Variants in SLC39A14 observed in about 807,000 individuals in gnomAD.
The protein encoded by SLC39A14 is solute carrier family 39 member 14, also known as metal cation symporter ZIP14.
A neutral mutation model predicts 45.5 loss-of-function variants in SLC39A14; 19 were observed. The observed-to-expected ratio is 0.42, with a 90% CI of 0.29 to 0.61. The LOEUF (loss-of-function observed/expected upper bound fraction) is 0.61, where lower values mean the gene tolerates loss of function less well. Ranked by LOEUF, SLC39A14 falls within the 20% of genes least tolerant of loss-of-function variation. The pLI is 0.22. For missense variants in SLC39A14, 447 were observed against 616.5 expected (o/e 0.73, Z 2.91); for synonymous variants, 264 against 251.3 (o/e 1.05, Z -0.48).
downstream of SLC39A14, among the ~76,000 whole-genome samples, chr8:22,426,706 T>C (rs1243360692): frequency 6.6e-6 from 1 of 151,878 alleles, no homozygotes; most frequent in Non-Finnish European, 1.5e-5. Flanking sequence ...TTTTTTGAGA[T>C]GGAGTCTCAC....
At position 22,421,988 on chromosome 8, in the gene SLC39A14, G is replaced by A. The variant is rs889849766; in HGVS notation, c.*2290G>A. 27 of 985,326 alleles carry A rather than the reference G, an allele frequency of 2.7e-5. No individual in the cohort carries two copies. The highest frequency in any genetic ancestry group is 6.2e-5 in the Admixed American group (1 of 16,254). 61.0% of individuals were successfully genotyped at this position (985,326 alleles called of 1,614,324 possible). On this transcript the variant is annotated 3_prime_UTR_variant, in exon 9 of 9. Transcript: ENST00000381237. ...CAGTCCTAGTCGGAGCTTAGGAGGG[G>A]CGGAGACGCTCACATCGTCTGACTT...
intron 1 of SLC39A14, among the ~76,000 whole-genome samples, chr8:22,401,539 CTTTCTTTTTTTT>C (rs1199037027): frequency 2.4e-4 from 28 of 115,714 alleles, no homozygotes; most frequent in African/African-American, 7.8e-4. Flanking sequence ...TTTCTCTTCT[CTTTCTTTTTTTT>C]TTTTTTTTTT....
rs1277374401 is a variant in SLC39A14 at position 22,399,995 on chromosome 8, G to T, written c.-15-4701G>T. ...CACTGTGACAGTGTGTCCTCTAAAG[G>T]CTACCTAGGGCCGTCCCCTCATAGC... is the stretch of plus-strand genomic sequence containing the variant. On this transcript the variant is annotated intron_variant, in intron 1 of 8. Coordinates refer to ENST00000381237, the MANE Select transcript of SLC39A14 (RefSeq NM_001128431.4). 2.6e-5 allele frequency among the ~76,000 whole-genome samples: 4 copies of T among 152,200 alleles called. No individual in the cohort carries two copies. In the East Asian group the frequency reaches 7.7e-4, roughly 29 times the overall value.
chr8:22,399,142 C>G (rs1289112620), intron 1 of SLC39A14, among the ~76,000 whole-genome samples: 1 of 152,176 alleles, frequency 6.6e-6, no homozygotes, highest in Non-Finnish European at 1.5e-5. Context: ...GCCTGACACC[C>G]TGGGGGGACT....
intron 3 of SLC39A14, chr8:22,409,886 C>G (rs934610438): frequency 5.4e-5 from 86 of 1,587,226 alleles, no homozygotes; most frequent in Non-Finnish European, 6.9e-6. Flanking sequence ...CCGCCCCAGG[C>G]AGCAGGAGTG....
At chr8:22,389,398 C>A (rs1434231513) in intron 1 of SLC39A14, among the ~76,000 whole-genome samples, 2 of 149,100 alleles carry the variant, frequency 1.3e-5, no homozygotes, top group Non-Finnish European at 3.0e-5. Context: ...AGGAGTCGGG[C>A]GTGAGCGGGC....
At chr8:22,394,875 T>G (rs1186817754) in intron 1 of SLC39A14, among the ~76,000 whole-genome samples, 1 of 152,210 alleles carries the variant, frequency 6.6e-6, no homozygotes, top group Non-Finnish European at 1.5e-5. Context: ...TAGTTTCTTT[T>G]GCTCTGAATT....
chr8:22,396,811 G>T, intron 1 of SLC39A14, among the ~76,000 whole-genome samples: 1 of 151,894 alleles, frequency 6.6e-6, no homozygotes, highest in Non-Finnish European at 1.5e-5. Flanking sequence ...TGAGAATTCT[G>T]GTTCTGCCCT....
At chr8:22,433,274 C>T (rs962672178) in intron 8 of SLC39A14, among the ~76,000 whole-genome samples, 5 of 142,512 alleles carry the variant, frequency 3.5e-5, no homozygotes, top group African/African-American at 1.5e-4. Flanking sequence ...TTTCCATATC[C>T]TTAACACAGT....
chr8:22,423,058 A>T (rs1836310894), downstream of SLC39A14, among the ~76,000 whole-genome samples: 1 of 152,038 alleles, frequency 6.6e-6, no homozygotes, highest in African/African-American at 2.4e-5. Flanking sequence ...TCCTGACCTC[A>T]GGTGATCTGC....
chr8:22,428,447 T>TC, intron 8 of SLC39A14, among the ~76,000 whole-genome samples: 1 of 148,128 alleles, frequency 6.8e-6, no homozygotes, highest in East Asian at 2.0e-4. Flanking sequence ...TGTTCTTTTT[T>TC]TTTTTTTTTT....
intron 1 of SLC39A14, among the ~76,000 whole-genome samples, chr8:22,374,149 T>C (rs1367520671): frequency 6.6e-6 from 1 of 152,144 alleles, no homozygotes; most frequent in Non-Finnish European, 1.5e-5. Flanking sequence ...TAGGCACAGC[T>C]GTTGGCATGG....
intron 2 of SLC39A14, 52 bp from the exon 3 acceptor site, chr8:22,408,258 C>T (rs1006974564): frequency 1.9e-6 from 3 of 1,548,638 alleles, no homozygotes; most frequent in African/African-American, 2.7e-5. Context: ...TTTAGCAGGG[C>T]AAGGCCTGAC....
chr8:22,380,224 G>A lies in SLC39A14; in HGVS notation c.-16+12816G>A, dbSNP rs569718217. On this transcript the variant is annotated intron_variant, in intron 1 of 8. Coordinates refer to ENST00000381237, the MANE Select transcript of SLC39A14 (RefSeq NM_001128431.4). ...CTGATGCCAAGGGATGACTGTACCA[G>A]CAACTTGCCTCTGTACAGAGAGCTC... Among the ~76,000 whole-genome samples, 196 of 152,290 alleles carry A rather than the reference G, an allele frequency of 1.3e-3. 1 individual carries two copies. Among genetic ancestry groups the A allele is most frequent in the Admixed American group, 9.7e-3 (148 of 15,294 alleles).
At chr8:22,403,261 C>A (rs1834990677) in intron 1 of SLC39A14, among the ~76,000 whole-genome samples, 1 of 150,332 alleles carries the variant, frequency 6.7e-6, no homozygotes, top group South Asian at 2.1e-4. Context: ...CAGGCATGAG[C>A]CACTGCGCCC....
rs1447862857 is a variant in SLC39A14, at chr8:22,404,798, G to A, written c.88G>A (p.Ala30Thr). 1.9e-6 allele frequency: 3 copies of A among 1,613,452 alleles called. No individual in the cohort carries two copies. The highest frequency in any genetic ancestry group is 2.2e-5 in the South Asian group (2 of 91,056). Reference sequence around the variant, plus strand: ...ATGGAGAACCACCCCTGAGGCTCACGCTTCATCCCTGGGTGCACCAGCTAT... The same window carrying A: ...ATGGAGAACCACCCCTGAGGCTCACACTTCATCCCTGGGTGCACCAGCTAT... Reference protein sequence around the residue: ...GLWRTTPEAHASSLGAPAISA... With the variant: ...GLWRTTPEAHTSSLGAPAISA... The change falls in exon 2 of 9, where the codon GCT becomes ACT. Residue 30 changes from alanine to threonine, a missense_variant. Ala to Thr is a moderately conservative substitution (Grantham distance 58, BLOSUM62 0). Around this residue, in one of 2 missense-constraint regions of SLC39A14, gnomAD observed 342 missense variants for 428.1 expected, o/e 0.80. Coordinates refer to ENST00000381237, the MANE Select transcript of SLC39A14 (RefSeq NM_001128431.4).
intron 1 of SLC39A14, among the ~76,000 whole-genome samples, chr8:22,369,280 G>T (rs548973805): frequency 1.3e-5 from 2 of 152,218 alleles, no homozygotes; most frequent in African/African-American, 4.8e-5. Flanking sequence ...TTGAGGGAGG[G>T]CAGTGCTGAG....
intron 8 of SLC39A14, among the ~76,000 whole-genome samples, chr8:22,418,419 G>A (rs1836018461): frequency 1.3e-5 from 2 of 152,146 alleles, no homozygotes; most frequent in African/African-American, 2.4e-5. Context: ...ATATAGATAA[G>A]AGACAGAAGA....
intron 2 of SLC39A14, 129 bp downstream of exon 2, chr8:22,405,109 G>C (rs777100131): frequency 1.3e-5 from 10 of 778,304 alleles, no homozygotes; most frequent in African/African-American, 7.0e-5. Context: ...AAGTCTCGAT[G>C]ATAGAGTGGA....
Sources: gnomAD v4.1 joint callset for allele counts (sites outside exome capture counted in the v4.1 genomes callset) on GRCh38, gnomAD v4.1.1 for gene constraint, gnomAD v4.1.1 regional missense constraint, MANE v1.5 for transcripts, NCBI Gene and HGNC (gene_info 2026-07-23, HGNC 2026-07-21) for gene names.